The following FIGN variants were observed in gnomAD, a reference collection of about 807,000 sequenced individuals.
The protein encoded by FIGN is fidgetin.
FIGN carries 11 observed loss-of-function variants against 51.3 expected under a neutral mutation model. The observed-to-expected ratio is 0.21, with a 90% CI of 0.13 to 0.35. FIGN has a LOEUF of 0.35. Among genes scored for constraint, FIGN ranks in the 10% least tolerant of loss-of-function variants. FIGN has a pLI of 1.00. For missense variants in FIGN, 857 were observed against 943.6 expected, an observed-to-expected ratio of 0.91 and a Z score of 1.20; for synonymous variants, 407 against 363.2, an observed-to-expected ratio of 1.12 and a Z score of -1.37.
chr2:163,680,689 G>C (rs1048211803), intron 2 of FIGN, among the ~76,000 whole-genome samples: 3 of 151,902 alleles, frequency 2.0e-5, no homozygotes, highest in Non-Finnish European at 2.9e-5. Context: ...ATAAACCATC[G>C]CCTCTCTGTG....
chr2:163,605,373 T>C lies in FIGN; in HGVS notation c.*4179A>G, dbSNP rs1436391505. 1 of 152,074 alleles carries C rather than the reference T, an allele frequency of 6.6e-6. No individual in the cohort carries two copies. Among genetic ancestry groups the C allele is most frequent in the Non-Finnish European group, 1.5e-5 (1 of 68,006 alleles). 9.4% of individuals were successfully genotyped at this position (152,074 alleles called of 1,614,324 possible). A position where few individuals can be genotyped will look rare whatever the true frequency, so the allele number is the denominator to read the frequency against. On this transcript the variant is annotated 3_prime_UTR_variant, in exon 3 of 3. Coordinates refer to ENST00000333129, the MANE Select transcript of FIGN (RefSeq NM_018086.4). ...CAGCTGGTTGTGAATTCTGAAATACTAATAGCTCCAGGTTTGCTAATGTGC... is the reference window on the plus strand; with the variant it reads ...CAGCTGGTTGTGAATTCTGAAATACCAATAGCTCCAGGTTTGCTAATGTGC...
intron 2 of FIGN, among the ~76,000 whole-genome samples, chr2:163,641,466 T>C (rs1294162816): frequency 1.3e-5 from 2 of 152,182 alleles, no homozygotes; most frequent in Non-Finnish European, 2.9e-5. Flanking sequence ...CATCTTACAG[T>C]TAAGGGGGCT....
intron 2 of FIGN, among the ~76,000 whole-genome samples, chr2:163,727,831 T>C (rs1355063106): frequency 1.3e-5 from 2 of 152,186 alleles, no homozygotes; most frequent in Non-Finnish European, 2.9e-5. Context: ...GCCACTTGAC[T>C]TCAAAATTCA....
At chr2:163,618,567 G>A (rs114914336) in intron 2 of FIGN, among the ~76,000 whole-genome samples, 165 of 151,682 alleles carry the variant, frequency 1.1e-3, no homozygotes, top group African/African-American at 3.6e-3. Context: ...GCCAGCACAG[G>A]GCTTTAAAAA....
Position 163,610,508 on chromosome 2 carries a change from T to C in FIGN, c.1324A>G (p.Met442Val), listed in dbSNP as rs186030983. ...GCTGCACGGAGTCCAGGGCCTTGCA[T>C]TGGGTGAGAGAGGAGCTGCCTGTGC... ...DEHRQLLSHP[M>V]QGPGLRAATS... is the part of the protein sequence containing the mutation. The change falls in exon 3 of 3, where the codon ATG becomes GTG. Residue 442 changes from methionine to valine, a missense_variant. Around this residue, in one of 3 missense-constraint regions of FIGN, gnomAD observed 799 missense variants for 849.5 expected, o/e 0.94. Transcript: ENST00000333129. 34 of 1,614,162 alleles carry C rather than the reference T, an allele frequency of 2.1e-5. No homozygotes were observed. Among genetic ancestry groups the C allele is most frequent in the African/African-American group, 2.7e-5 (2 of 75,044 alleles).
chr2:163,708,111 C>A (rs1455576356), intron 2 of FIGN, among the ~76,000 whole-genome samples: 1 of 151,968 alleles, frequency 6.6e-6, no homozygotes, highest in Non-Finnish European at 1.5e-5. Context: ...GAATCTTGGC[C>A]ACCTCACATA....
chr2:163,627,076 T>A (rs879142054), intron 2 of FIGN, among the ~76,000 whole-genome samples: 3 of 152,168 alleles, frequency 2.0e-5, no homozygotes, highest in Admixed American at 2.0e-4. Context: ...AAGAAATGAC[T>A]ATAAGTATAC....
intron 2 of FIGN, among the ~76,000 whole-genome samples, chr2:163,677,157 T>G (rs1319006517): frequency 6.6e-6 from 1 of 152,214 alleles, no homozygotes; most frequent in Non-Finnish European, 1.5e-5. Context: ...CTGCCAGATT[T>G]TATCTATCTG....
At chr2:163,660,752 C>T (rs34176610) in intron 2 of FIGN, among the ~76,000 whole-genome samples, 7,387 of 21,218 alleles carry the variant, frequency 0.35, 2,320 homozygotes, top group Admixed American at 0.43. Context: ...TATATGTATA[C>T]ACATATACAT....
intron 2 of FIGN, among the ~76,000 whole-genome samples, chr2:163,647,697 T>G (rs1038766274): frequency 2.6e-5 from 4 of 152,224 alleles, no homozygotes; most frequent in African/African-American, 9.6e-5. Flanking sequence ...GGGAAAACTA[T>G]TCATACAAAT....
chr2:163,676,456 TATATATATATATATATATATATATATAA>T lies in FIGN; in HGVS notation c.25+58419_25+58446del, dbSNP rs1379455140. Among the ~76,000 whole-genome samples the T allele has an allele frequency of 1.7e-3, 161 of 93,232 alleles. 3 individuals carry two copies. The highest frequency in any genetic ancestry group is 3.1e-3 in the African/African-American group (86 of 27,490). The allele number at this position is 93,232 out of a possible 152,430, so 61.2% of individuals were successfully genotyped here. ...TGGAATATATATATATATATATATA[TATATATATATATATATATATATATATAA>T]CTAGAGTCTGTGCACCCGAATCTGA... On this transcript the variant is annotated intron_variant, in intron 2 of 2. Transcript: ENST00000333129.
intron 2 of FIGN, among the ~76,000 whole-genome samples, chr2:163,628,609 A>G (rs566937299): frequency 5.1e-4 from 78 of 152,300 alleles, no homozygotes; most frequent in African/African-American, 1.7e-3. Flanking sequence ...GAGGGGACAA[A>G]TAAGCAGGGT....
intron 2 of FIGN, among the ~76,000 whole-genome samples, chr2:163,676,407 T>A (rs1661105864): frequency 7.2e-6 from 1 of 139,218 alleles, no homozygotes; most frequent in Admixed American, 7.6e-5. Context: ...TGAAAATATA[T>A]AATTAAAACA....
At chr2:163,666,162 G>C (rs1274452512) in intron 2 of FIGN, among the ~76,000 whole-genome samples, 4 of 152,170 alleles carry the variant, frequency 2.6e-5, no homozygotes, top group Non-Finnish European at 5.9e-5. Context: ...GAAAGAATAT[G>C]GATGCAGGAA....
At chr2:163,661,842 G>A (rs560333410) in intron 2 of FIGN, among the ~76,000 whole-genome samples, 58 of 152,164 alleles carry the variant, frequency 3.8e-4, no homozygotes, top group Non-Finnish European at 7.6e-4. Context: ...TTCGCCTCCT[G>A]CCATGATTCT....
chr2:163,668,086 A>G (rs1683813698), intron 2 of FIGN, among the ~76,000 whole-genome samples: 1 of 143,972 alleles, frequency 6.9e-6, no homozygotes, highest in Non-Finnish European at 1.5e-5. Flanking sequence ...AGCTACCTGG[A>G]TACTTAAATT....
rs1691160015 is a variant in FIGN at position 163,608,481 on chromosome 2, A to G, written c.*1071T>C. 1 of 152,778 alleles carries G rather than the reference A, an allele frequency of 6.5e-6. No individual in the cohort carries two copies. Among genetic ancestry groups the G allele is most frequent in the Admixed American group, 6.5e-5 (1 of 15,288 alleles). 9.5% of individuals were successfully genotyped at this position (152,778 alleles called of 1,614,324 possible). On this transcript the variant is annotated 3_prime_UTR_variant, in exon 3 of 3. Transcript: ENST00000333129. ...ACCTATGCAATAAAAAGGCAGTCAT[A>G]GTTTTTAGGTACTGTGACTTTCAGG... is the stretch of plus-strand genomic sequence containing the variant.
At chr2:163,699,126 A>G (rs992031455) in intron 2 of FIGN, among the ~76,000 whole-genome samples, 3 of 152,166 alleles carry the variant, frequency 2.0e-5, no homozygotes, top group African/African-American at 7.2e-5. Context: ...ACAGAACCCA[A>G]CAATAGCTAT....
At chr2:163,696,732 G>A (rs899654737) in intron 2 of FIGN, among the ~76,000 whole-genome samples, 11 of 151,924 alleles carry the variant, frequency 7.2e-5, no homozygotes, top group African/African-American at 2.7e-4. Flanking sequence ...CTGTGGTCCA[G>A]TCTCAGCTCA....
Sources: allele counts gnomAD v4.1 joint callset (sites outside exome capture counted in the v4.1 genomes callset), GRCh38; gene constraint gnomAD v4.1.1; regional missense constraint gnomAD v4.1.1; transcripts MANE v1.5; gene names NCBI Gene and HGNC (gene_info 2026-07-23, HGNC 2026-07-21).